Variants in ATF6 observed in about 807,000 individuals in gnomAD.
The protein encoded by ATF6 is activating transcription factor 6, also known as cyclic AMP-dependent transcription factor ATF-6 alpha.
Under a neutral mutation model 83.6 loss-of-function variants are expected in ATF6, and 53 were observed. The observed-to-expected ratio is 0.63, with a 90% CI of 0.51 to 0.80. The LOEUF (loss-of-function observed/expected upper bound fraction) is 0.80. ATF6 is among the 30% of genes least tolerant of loss of function. ATF6 has a pLI of 0.00. For synonymous variants in ATF6, 288 were observed against 285.8 expected (o/e 1.01, Z -0.08); for missense variants, 744 against 797.9 (o/e 0.93, Z 0.81).
intron 14 of ATF6, among the ~76,000 whole-genome samples, chr1:161,875,668 CA>C (rs964247899): frequency 1.3e-5 from 2 of 151,762 alleles, no homozygotes; most frequent in African/African-American, 4.8e-5. Context: ...ACATATCTGT[CA>C]GATACCCAAG....
intron 7 of ATF6, among the ~76,000 whole-genome samples, chr1:161,808,025 A>G (rs1173523159): frequency 6.6e-6 from 1 of 151,122 alleles, no homozygotes; most frequent in South Asian, 2.1e-4. Flanking sequence ...GACTACAGCT[A>G]TGTGCCACCA....
chr1:161,914,409 C>T (rs1020857997), intron 15 of ATF6, among the ~76,000 whole-genome samples: 1 of 152,116 alleles, frequency 6.6e-6, no homozygotes, highest in African/African-American at 2.4e-5. Context: ...TTGTTGCTGC[C>T]GTCTACTCCA....
At chr1:161,798,676 C>G (rs1685074846) in intron 6 of ATF6, among the ~76,000 whole-genome samples, 1 of 152,070 alleles carries the variant, frequency 6.6e-6, no homozygotes, top group Non-Finnish European at 1.5e-5. Flanking sequence ...ATAGGACAGC[C>G]TACAGAATGG....
intron 1 of ATF6, among the ~76,000 whole-genome samples, chr1:161,776,448 T>G (rs1684515886): frequency 6.6e-6 from 1 of 151,872 alleles, no homozygotes; most frequent in South Asian, 2.1e-4. Context: ...GACATCTCTG[T>G]GTTGGGAGGG....
chr1:161,897,740 G>A (rs890075331), intron 14 of ATF6, among the ~76,000 whole-genome samples: 1 of 152,130 alleles, frequency 6.6e-6, no homozygotes, highest in African/African-American at 2.4e-5. Context: ...TGAAGACTTA[G>A]GGTGAAGAAA....
At chr1:161,887,339 T>A (rs929455640) in intron 14 of ATF6, among the ~76,000 whole-genome samples, 1 of 152,032 alleles carries the variant, frequency 6.6e-6, no homozygotes, top group Non-Finnish European at 1.5e-5. Flanking sequence ...CTTGGCCTCC[T>A]AAAGTGCTGG....
At chr1:161,892,828 G>A (rs943610003) in intron 14 of ATF6, among the ~76,000 whole-genome samples, 6 of 152,074 alleles carry the variant, frequency 3.9e-5, no homozygotes, top group Non-Finnish European at 8.8e-5. Context: ...AGTAGAGACG[G>A]GGTTTCGCCA....
rs1689149378 is a variant in ATF6 at position 161,963,681 on chromosome 1, A to G, written c.*5027A>G. On this transcript the variant is annotated 3_prime_UTR_variant, in exon 16 of 16. Coordinates refer to ENST00000367942, the MANE Select transcript of ATF6 (RefSeq NM_007348.4). ...TCATCCTTGCCATAATTTCCAGGCC[A>G]GTCACCAGGACAGAGGAGATGATGG... The G allele has an allele frequency of 6.6e-6, 1 of 152,246 alleles. No homozygotes were observed. Among genetic ancestry groups the G allele is most frequent in the Non-Finnish European group, 1.5e-5 (1 of 68,054 alleles). The allele number at this position is 152,246 out of a possible 1,614,324, so 9.4% of individuals were successfully genotyped here.
At chr1:161,805,106 CAA>C in intron 7 of ATF6, among the ~76,000 whole-genome samples, 1 of 152,184 alleles carries the variant, frequency 6.6e-6, no homozygotes, top group South Asian at 2.1e-4. Flanking sequence ...ACTTTGTCAG[CAA>C]AGTCTCAATG....
intron 15 of ATF6, among the ~76,000 whole-genome samples, chr1:161,914,561 C>T (rs1207505398): frequency 2.6e-5 from 4 of 152,156 alleles, no homozygotes; most frequent in African/African-American, 7.2e-5. Context: ...TCCATATGGT[C>T]ATAATCTAGA....
chr1:161,849,905 CTG>C (rs1478383959), intron 10 of ATF6, among the ~76,000 whole-genome samples: 1 of 152,126 alleles, frequency 6.6e-6, no homozygotes, highest in African/African-American at 2.4e-5. Flanking sequence ...TTTTCTACAA[CTG>C]TGTTTTTTCC....
In ATF6 at chr1:161,846,674, C is replaced by T. The variant is rs541438166; in HGVS notation, c.1319+94C>T. 1.3e-5 allele frequency: 17 copies of T among 1,281,856 alleles called. No individual in the cohort carries two copies. In the Admixed American group the frequency reaches 1.7e-4, roughly 13 times the overall value. The allele number at this position is 1,281,856 out of a possible 1,614,324, so 79.4% of individuals were successfully genotyped here. On this transcript the variant is annotated intron_variant, in intron 10 of 15. Coordinates refer to ENST00000367942, the MANE Select transcript of ATF6 (RefSeq NM_007348.4). The stretch of plus-strand genomic sequence containing the variant: ...AGTATAACATTGCATCTAAATTGTT[C>T]GTGTATATTTTGAGTAGTAGAACAC...
intron 14 of ATF6, among the ~76,000 whole-genome samples, chr1:161,888,963 A>G (rs769945386): frequency 4.6e-5 from 7 of 152,072 alleles, no homozygotes; most frequent in Non-Finnish European, 1.0e-4. Flanking sequence ...CGCATATACA[A>G]CCACATACAT....
At chr1:161,909,680 G>T (rs1024603514) in intron 14 of ATF6, among the ~76,000 whole-genome samples, 1 of 152,156 alleles carries the variant, frequency 6.6e-6, no homozygotes, top group African/African-American at 2.4e-5. Flanking sequence ...GTAAGGGCCG[G>T]TCACAGAGGC....
At position 161,851,843 on chromosome 1, in the gene ATF6, T is replaced by C; in HGVS notation, c.1433+8T>C. 6.3e-7 allele frequency: 1 copy of C among 1,591,452 alleles called. No individual in the cohort carries two copies. The highest frequency in any genetic ancestry group is 1.3e-5 in the African/African-American group (1 of 74,526). On this transcript the variant is annotated splice_region_variant and intron_variant, in intron 11 of 15. Coordinates refer to ENST00000367942, the MANE Select transcript of ATF6 (RefSeq NM_007348.4). ...CACAACAGAGTCTCTCAGGTGAGTG[T>C]TGTAGATTATTGCAGAAACATCTGA...
intron 11 of ATF6, among the ~76,000 whole-genome samples, chr1:161,852,170 G>T (rs961198995): frequency 1.3e-5 from 2 of 152,032 alleles, no homozygotes; most frequent in Non-Finnish European, 2.9e-5. Context: ...ATAATTTGTG[G>T]GTATGTGATT....
chr1:161,770,174 G>T (rs1684352566), intron 1 of ATF6, among the ~76,000 whole-genome samples: 1 of 152,168 alleles, frequency 6.6e-6, no homozygotes, highest in Non-Finnish European at 1.5e-5. Flanking sequence ...GAATCATACA[G>T]TATGTAGCAT....
At chr1:161,914,179 A>G (rs1436566160) in intron 15 of ATF6, among the ~76,000 whole-genome samples, 1 of 152,202 alleles carries the variant, frequency 6.6e-6, no homozygotes, top group Non-Finnish European at 1.5e-5. Context: ...CCGTGTTTCA[A>G]GTACCATGCT....
intron 8 of ATF6, 30 bp downstream of exon 8, chr1:161,819,848 AT>A (rs1439004081): frequency 2.5e-6 from 4 of 1,568,944 alleles, no homozygotes; most frequent in Non-Finnish European, 3.5e-6. Context: ...CTGAGTCGAG[AT>A]GGGCTAAAGT....
Sources: allele counts gnomAD v4.1 joint callset (sites outside exome capture counted in the v4.1 genomes callset), GRCh38; gene constraint gnomAD v4.1.1; transcripts MANE v1.5; gene names NCBI Gene and HGNC (gene_info 2026-07-23, HGNC 2026-07-21).